The following TANGO2 variants were observed in gnomAD, a reference collection of about 807,000 sequenced individuals.
The protein encoded by TANGO2 is transport and Golgi organization protein 2 homolog.
In TANGO2, 26 loss-of-function variants were observed where a neutral mutation model predicts 39.1. The ratio of observed to expected loss-of-function variants is 0.67; its 90% CI spans 0.49 to 0.92. TANGO2 has a LOEUF of 0.92. Among genes scored for constraint, TANGO2 ranks in the 40% least tolerant of loss-of-function variants. The pLI, the probability that TANGO2 is intolerant of heterozygous loss-of-function variation, is 0.00. For synonymous variants in TANGO2, 131 were observed against 144.5 expected, an observed-to-expected ratio of 0.91 and a Z score of 0.67; for missense variants, 326 against 360.1, an observed-to-expected ratio of 0.91 and a Z score of 0.77.
chr22:20,060,303 T>C (rs1174774375), intron 6 of TANGO2, among the ~76,000 whole-genome samples: 7 of 140,994 alleles, frequency 5.0e-5, no homozygotes, highest in African/African-American at 1.6e-4. Flanking sequence ...GAGCCGAGAT[T>C]GCGCCACCGC....
chr22:20,047,134 G>T (rs1317096966), intron 3 of TANGO2, among the ~76,000 whole-genome samples: 1 of 151,970 alleles, frequency 6.6e-6, no homozygotes. Flanking sequence ...TCACTGTGAG[G>T]ACAACACCAA....
intron 6 of TANGO2, 77 bp downstream of exon 6, chr22:20,056,090 A>G: frequency 8.5e-7 from 1 of 1,181,316 alleles, no homozygotes; most frequent in South Asian, 1.2e-5. Flanking sequence ...TTTAGAGACC[A>G]GGCACTTGTC....
chr22:20,043,657 C>T (rs370032050), intron 3 of TANGO2, among the ~76,000 whole-genome samples: 1 of 152,146 alleles, frequency 6.6e-6, no homozygotes, highest in Non-Finnish European at 1.5e-5. Context: ...CTGTGCCATG[C>T]GTCTGCATGG....
At chr22:20,036,297 CTG>C (rs1391131132) in intron 1 of TANGO2, among the ~76,000 whole-genome samples, 2 of 152,192 alleles carry the variant, frequency 1.3e-5, no homozygotes, top group Non-Finnish European at 2.9e-5. Context: ...CTTGTCGAAA[CTG>C]TGCTGGGTGT....
chr22:20,056,190 C>A, intron 6 of TANGO2, 177 bp downstream of exon 6: 1 of 704,884 alleles, frequency 1.4e-6, no homozygotes, highest in Non-Finnish European at 2.6e-6. Flanking sequence ...TCAGAGAGCC[C>A]TGGCTCCCTG....
chr22:20,028,384 G>A (rs1169011549), intron 1 of TANGO2, among the ~76,000 whole-genome samples: 1 of 152,222 alleles, frequency 6.6e-6, no homozygotes, highest in Admixed American at 6.5e-5. Flanking sequence ...CAAAGTGCTG[G>A]GATGACAGAC....
chr22:20,045,388 G>A (rs894159890), intron 3 of TANGO2, among the ~76,000 whole-genome samples: 18 of 151,878 alleles, frequency 1.2e-4, no homozygotes, highest in African/African-American at 3.9e-4. Context: ...GCAGTGAACC[G>A]AGACTGAGCC....
intron 6 of TANGO2, among the ~76,000 whole-genome samples, chr22:20,059,610 G>A (rs2048001399): frequency 2.6e-5 from 4 of 152,026 alleles, no homozygotes; most frequent in Admixed American, 2.6e-4. Flanking sequence ...CTCGTGGTTT[G>A]GTTTGCGTTT....
At chr22:20,022,615 T>C (rs373388927) in intron 1 of TANGO2, among the ~76,000 whole-genome samples, 1 of 152,262 alleles carries the variant, frequency 6.6e-6, no homozygotes, top group Non-Finnish European at 1.5e-5. Context: ...TCTTCACTTG[T>C]GGGCTGTCAT....
intron 6 of TANGO2, among the ~76,000 whole-genome samples, chr22:20,058,650 A>AAC (rs2147727466): frequency 6.6e-6 from 1 of 152,034 alleles, no homozygotes; most frequent in South Asian, 2.1e-4. Flanking sequence ...TCAAAAAAAA[A>AAC]AAAAACAAAG....
intron 2 of TANGO2, among the ~76,000 whole-genome samples, chr22:20,040,080 A>T (rs1382732380): frequency 6.6e-6 from 1 of 152,174 alleles, no homozygotes; most frequent in Non-Finnish European, 1.5e-5. Context: ...CCCACCAGTG[A>T]TGACTGAGAG....
chr22:20,054,205 C>T, intron 5 of TANGO2: 1 of 215,010 alleles, frequency 4.7e-6, no homozygotes, highest in Non-Finnish European at 9.6e-6. Flanking sequence ...GTGTGGCATG[C>T]CCAGCCCTGC....
chr22:20,050,143 G>A (rs1354842470), intron 3 of TANGO2, among the ~76,000 whole-genome samples: 7 of 151,886 alleles, frequency 4.6e-5, no homozygotes, highest in Middle Eastern at 3.2e-3. Flanking sequence ...CCCGGGAGGC[G>A]GAGCTTGCAG....
intron 3 of TANGO2, among the ~76,000 whole-genome samples, chr22:20,050,226 A>G (rs946142893): frequency 6.6e-6 from 1 of 152,094 alleles, no homozygotes; most frequent in Non-Finnish European, 1.5e-5. Flanking sequence ...AACAAACAAA[A>G]AAACACTATT....
chr22:20,044,140 C>T (rs1240321603), intron 3 of TANGO2, among the ~76,000 whole-genome samples: 4 of 152,140 alleles, frequency 2.6e-5, no homozygotes, highest in Non-Finnish European at 5.9e-5. Context: ...CAAGTGGGCC[C>T]GAGGCATCCT....
chr22:20,026,634 G>C (rs1331311251), intron 1 of TANGO2, among the ~76,000 whole-genome samples: 2 of 152,248 alleles, frequency 1.3e-5, no homozygotes, highest in African/African-American at 4.8e-5. Context: ...CAGGCACATG[G>C]TTGCCCACAT....
intron 3 of TANGO2, among the ~76,000 whole-genome samples, chr22:20,046,342 C>G (rs554168125): frequency 3.9e-5 from 6 of 152,108 alleles, no homozygotes; most frequent in African/African-American, 1.2e-4. Flanking sequence ...GCGACAAAGC[C>G]TTGCTGTGTT....
chr22:20,030,145 A>G (rs1222830724), intron 1 of TANGO2, among the ~76,000 whole-genome samples: 1 of 131,112 alleles, frequency 7.6e-6, no homozygotes, highest in Admixed American at 8.3e-5. Context: ...TCGTGTAAGC[A>G]GTTGCTTTTT....
At chr22:20,017,410 G>C (rs1945267324), upstream of TANGO2, among the ~76,000 whole-genome samples, 1 of 152,124 alleles carries the variant, frequency 6.6e-6, no homozygotes, top group Admixed American at 6.5e-5. Context: ...CTGGGTCCCC[G>C]CAGCGGGGAG....
Sources: gnomAD v4.1 joint callset for allele counts (sites outside exome capture counted in the v4.1 genomes callset) on GRCh38, gnomAD v4.1.1 for gene constraint, MANE v1.5 for transcripts, NCBI Gene and HGNC (gene_info 2026-07-23, HGNC 2026-07-21) for gene names.